Variants in NFKBIB observed in about 807,000 individuals in gnomAD.
NFKBIB encodes the protein NFKB inhibitor beta.
A neutral mutation model predicts 32.1 loss-of-function variants in NFKBIB; 16 were observed. The observed-to-expected ratio is 0.50, with a 90% CI of 0.34 to 0.76. The LOEUF is 0.76. NFKBIB is among the 30% of genes least tolerant of loss of function. NFKBIB has a pLI of 0.01. For missense variants in NFKBIB, 437 were observed against 514.9 expected, an observed-to-expected ratio of 0.85 and a Z score of 1.46; for synonymous variants, 222 against 219.5, an observed-to-expected ratio of 1.01 and a Z score of -0.10.
Position 38,905,354 on chromosome 19 carries a change from G to A in NFKBIB, c.438G>A (p.Leu146=). 2 of 1,611,952 alleles carry A rather than the reference G, an allele frequency of 1.2e-6. No individual in the cohort carries two copies. Among genetic ancestry groups the A allele is most frequent in the Non-Finnish European group, 1.7e-6 (2 of 1,179,506 alleles). ...RVGAHACARA[L]LQPRPRRPRE... is the part of the protein sequence containing the mutation. ...GGGCACACGCCTGTGCCCGTGCCCT[G>A]CTTCAGCCCCGCCCCCGGCGCCCCA... Residue 146 remains leucine, a synonymous_variant, in exon 3 of 6, where the codon CTG becomes CTA. Coordinates refer to ENST00000313582, the MANE Select transcript of NFKBIB (RefSeq NM_002503.5). The surrounding 1 kb of genome is among the most constrained non-coding windows in gnomAD (Gnocchi z 5.5).
In NFKBIB at chr19:38,905,544, C is replaced by G. The variant is rs748849926; in HGVS notation, c.619+9C>G. On this transcript the variant is annotated intron_variant, in intron 3 of 5. Coordinates refer to ENST00000313582, the MANE Select transcript of NFKBIB (RefSeq NM_002503.5). This position sits in a 1 kb window ranked among gnomAD's most constrained non-coding sequence, Gnocchi z 5.5. ...GGCTGAAAACTACGAGGGTGAGGGTCGTCACCAGGGAAGGACTCAGCTCCT... is the reference window on the plus strand; with the variant it reads ...GGCTGAAAACTACGAGGGTGAGGGTGGTCACCAGGGAAGGACTCAGCTCCT... 2 of 1,589,710 alleles carry G rather than the reference C, an allele frequency of 1.3e-6. No individual in the cohort carries two copies. The highest frequency in any genetic ancestry group is 1.7e-5 in the Admixed American group (1 of 57,670).
chr19:38,900,576 A>G (rs764196645), intron 1 of NFKBIB, among the ~76,000 whole-genome samples: 1 of 152,174 alleles, frequency 6.6e-6, no homozygotes, highest in Admixed American at 6.5e-5. Flanking sequence ...TTTGAGCCCT[A>G]GAGTTTGATT....
intron 5 of NFKBIB, chr19:38,908,455 C>T: frequency 2.1e-6 from 2 of 974,160 alleles, no homozygotes; most frequent in Non-Finnish European, 2.6e-6. Context: ...AGGAGAATTG[C>T]TTGAACCTGG....
intron 3 of NFKBIB, 129 bp from the exon 4 acceptor site, chr19:38,907,092 C>A: frequency 1.2e-6 from 1 of 831,164 alleles, no homozygotes; most frequent in Non-Finnish European, 1.9e-6. Context: ...TTTGCCATAC[C>A]CAAGAATTCA....
At chr19:38,900,644 C>T (rs749501085) in intron 1 of NFKBIB, among the ~76,000 whole-genome samples, 6 of 152,074 alleles carry the variant, frequency 3.9e-5, no homozygotes, top group Non-Finnish European at 8.8e-5. Context: ...CAGTGTTCTT[C>T]AAATCTTAAA....
rs61754993 is a variant in NFKBIB at position 38,905,457 on chromosome 19, C to T, written c.541C>T (p.Pro181Ser). 53 of 1,613,872 alleles carry T rather than the reference C, an allele frequency of 3.3e-5. No individual in the cohort carries two copies. Among genetic ancestry groups the T allele is most frequent in the Non-Finnish European group, 4.2e-5 (49 of 1,179,982 alleles). Residue 181 changes from proline to serine, a missense_variant, in exon 3 of 6, where the codon CCC becomes TCC. Physicochemically the swap from Pro to Ser is moderately conservative, Grantham distance 74. Transcript: ENST00000313582. The surrounding 1 kb of genome is among the most constrained non-coding windows in gnomAD (Gnocchi z 5.5). ...DTNHTPVALY[P>S]DSDLEKEEEE... ...CAACCATACCCCTGTCGCCTTGTAC[C>T]CCGATTCCGACTTGGAGAAGGAAGA...
chr19:38,899,817 GA>G, upstream of NFKBIB: 1 of 692,764 alleles, frequency 1.4e-6, no homozygotes, highest in Non-Finnish European at 2.4e-6. Context: ...AGGGCGCCCG[GA>G]AAATGTGGGA....
At chr19:38,903,941 G>A (rs929072874) in intron 1 of NFKBIB, among the ~76,000 whole-genome samples, 13 of 151,978 alleles carry the variant, frequency 8.6e-5, no homozygotes, top group Admixed American at 6.6e-4. Flanking sequence ...GTGGTGGCAC[G>A]CACCTGTGGT....
At chr19:38,903,720 T>G (rs1386843165) in intron 1 of NFKBIB, among the ~76,000 whole-genome samples, 1 of 152,196 alleles carries the variant, frequency 6.6e-6, no homozygotes, top group Non-Finnish European at 1.5e-5. Context: ...AATCTTTGGT[T>G]AGGTGCCAGA....
Position 38,905,336 on chromosome 19 carries a change from C to T in NFKBIB, c.420C>T (p.His140=), listed in dbSNP as rs373087158. ...ALHLACRVGA[H]ACARALLQPR... is the part of the protein sequence containing the mutation. ...ACCTGGCCTGCCGTGTGGGGGCACA[C>T]GCCTGTGCCCGTGCCCTGCTTCAGC... Residue 140 remains histidine, a synonymous_variant, in exon 3 of 6, where the codon CAC becomes CAT. Coordinates refer to ENST00000313582, the MANE Select transcript of NFKBIB (RefSeq NM_002503.5). This position sits in a 1 kb window ranked among gnomAD's most constrained non-coding sequence, Gnocchi z 5.5. 3.9e-5 allele frequency: 62 copies of T among 1,610,296 alleles called. No homozygotes were observed. Among genetic ancestry groups the T allele is most frequent in the African/African-American group, 3.3e-4 (25 of 74,994 alleles).
At chr19:38,907,077 A>C in intron 3 of NFKBIB, 144 bp from the exon 4 acceptor site, 2 of 713,648 alleles carry the variant, frequency 2.8e-6, no homozygotes, top group Non-Finnish European at 4.7e-6. Context: ...GTACCCAGGT[A>C]CCTCTTTGCC....
chr19:38,900,225 A>T lies in NFKBIB; in HGVS notation c.179+14A>T, dbSNP rs772147919. ...GGATGGGGACACGTGAGTGAACCTT[A>T]GGCTGCCAAACGGAGCCCTAGGACC... is the stretch of plus-strand genomic sequence containing the variant. On this transcript the variant is annotated intron_variant, in intron 1 of 5. Coordinates refer to ENST00000313582, the MANE Select transcript of NFKBIB (RefSeq NM_002503.5). 2 of 1,584,402 alleles carry T rather than the reference A, an allele frequency of 1.3e-6. No individual in the cohort carries two copies. Among genetic ancestry groups the T allele is most frequent in the African/African-American group, 2.7e-5 (2 of 73,838 alleles).
In NFKBIB at chr19:38,905,432, CA is replaced by C. The variant is rs1178550329; in HGVS notation, c.518del (p.Asn173ThrfsTer89). 1 of 1,613,990 alleles carries C rather than the reference CA, an allele frequency of 6.2e-7. No individual in the cohort carries two copies. The highest frequency in any genetic ancestry group is 2.2e-5 in the East Asian group (1 of 44,868). On this transcript the variant is annotated frameshift_variant, in exon 3 of 6. Coordinates refer to ENST00000313582, the MANE Select transcript of NFKBIB (RefSeq NM_002503.5). LOFTEE classifies it high-confidence loss of function. This position sits in a 1 kb window ranked among gnomAD's most constrained non-coding sequence, Gnocchi z 5.5. Reference sequence around the variant, plus strand: ...AGGGCCCTGACCGTACTCCCGACACCAACCATACCCCTGTCGCCTTGTACCC... The same window carrying C: ...AGGGCCCTGACCGTACTCCCGACACCACCATACCCCTGTCGCCTTGTACCC... ...AQGPDRTPDTNHTPVALYPDS... is the reference protein window; with the variant it reads ...AQGPDRTPDTXHTPVALYPDS...
chr19:38,905,206 C>T lies in NFKBIB; in HGVS notation c.290C>T (p.Ala97Val). 1 of 1,595,562 alleles carries T rather than the reference C, an allele frequency of 6.3e-7. No individual in the cohort carries two copies. The highest frequency in any genetic ancestry group is 2.2e-5 in the East Asian group (1 of 44,722). The change falls in exon 3 of 6, where the codon GCC (alanine) becomes GTC (valine). Residue 97 changes from alanine (A) to valine (V), a missense_variant. Transcript: ENST00000313582. The surrounding 1 kb of genome is among the most constrained non-coding windows in gnomAD (Gnocchi z 5.5). ...MDLQNDLGQT[A>V]LHLAAILGET... ...GCCTGTCCTCTGCTTCTGCAGACAG[C>T]CCTGCACCTGGCAGCCATCCTGGGG...
chr19:38,908,856 T>G lies in NFKBIB; in HGVS notation c.*24T>G. On this transcript the variant is annotated 3_prime_UTR_variant, in exon 6 of 6. Coordinates refer to ENST00000313582, the MANE Select transcript of NFKBIB (RefSeq NM_002503.5). ...GATTTGTTTCATTGTTAATATAATT[T>G]CCAGTTTAATAAACAAAACCCTAGT... 6.2e-7 allele frequency: 1 copy of G among 1,611,048 alleles called. No individual in the cohort carries two copies. Among genetic ancestry groups the G allele is most frequent in the Middle Eastern group, 1.7e-4 (1 of 6,044 alleles).
chr19:38,904,123 GA>G lies in NFKBIB; in HGVS notation c.180-890del, dbSNP rs747890648. ...AATAAATAAATAAATAAATATTCTT[GA>G]ATATTATTCTGGGATGGAGTTAAAT... On this transcript the variant is annotated intron_variant, in intron 1 of 5. Coordinates refer to ENST00000313582, the MANE Select transcript of NFKBIB (RefSeq NM_002503.5). Among the ~76,000 whole-genome samples, 843 of 151,976 alleles carry G rather than the reference GA, an allele frequency of 5.5e-3. 3 individuals are homozygous for G. The highest frequency in any genetic ancestry group is 8.1e-3 in the Non-Finnish European group (549 of 67,976).
At chr19:38,903,519 C>A (rs1974028467) in intron 1 of NFKBIB, among the ~76,000 whole-genome samples, 1 of 152,026 alleles carries the variant, frequency 6.6e-6, no homozygotes, top group African/African-American at 2.4e-5. Context: ...AACTCCTGAC[C>A]TCAAGTGATC....
At chr19:38,907,738 T>C (rs1974188511) in intron 5 of NFKBIB, 79 bp downstream of exon 5, 1 of 1,477,580 alleles carries the variant, frequency 6.8e-7, no homozygotes, top group South Asian at 1.4e-5. Context: ...AGAAGATAAT[T>C]AGGCACCGAC....
At chr19:38,903,182 C>A (rs1451738343) in intron 1 of NFKBIB, among the ~76,000 whole-genome samples, 1 of 152,172 alleles carries the variant, frequency 6.6e-6, no homozygotes, top group Admixed American at 6.6e-5. Flanking sequence ...AAAAAGTTTG[C>A]TGACTCCTGC....
Sources: allele counts gnomAD v4.1 joint callset (sites outside exome capture counted in the v4.1 genomes callset), GRCh38; gene constraint gnomAD v4.1.1; non-coding constraint Gnocchi (gnomAD v3.1); transcripts MANE v1.5; gene names NCBI Gene and HGNC (gene_info 2026-07-23, HGNC 2026-07-21).